PIKFYVE: variants seen among roughly 807,000 people sequenced by gnomAD.
The protein encoded by PIKFYVE is phosphoinositide kinase, FYVE-type zinc finger containing.
PIKFYVE carries 122 observed loss-of-function variants against 257.9 expected under a neutral mutation model. The ratio of observed to expected loss-of-function variants is 0.47; its 90% confidence interval spans 0.41 to 0.55. The LOEUF is 0.55. Among genes scored for constraint, PIKFYVE ranks in the 20% least tolerant of loss-of-function variants. PIKFYVE has a pLI of 0.00. For missense variants in PIKFYVE, 2,160 were observed against 2,536.6 expected (o/e 0.85, Z 3.19); for synonymous variants, 892 against 868.9 (o/e 1.03, Z -0.47).
intron 8 of PIKFYVE, 126 bp from the exon 9 acceptor site, chr2:208,300,811 A>G: frequency 9.0e-7 from 1 of 1,105,578 alleles, no homozygotes; most frequent in Non-Finnish European, 1.3e-6. Context: ...AAATTGTGTG[A>G]GTTAGCTACC....
At position 208,304,902 on chromosome 2, in the gene PIKFYVE, A is replaced by G. The variant is rs1303525273; in HGVS notation, c.1525A>G (p.Ser509Gly). The change falls in exon 12 of 42, where the codon AGT becomes GGT. Residue 509 changes from serine to glycine, a missense_variant. Physicochemically the swap from Ser to Gly is moderately conservative, Grantham distance 56. Coordinates refer to ENST00000264380, the MANE Select transcript of PIKFYVE (RefSeq NM_015040.4). ...SVSSFQSTVDSDSAASISLNV... is the reference protein window; with the variant it reads ...SVSSFQSTVDGDSAASISLNV... ...CAGCAGTTTCCAGTCCACAGTGGACAGTGACTCAGCCGCTTCTATCAGCCT... is the reference window on the plus strand; with the variant it reads ...CAGCAGTTTCCAGTCCACAGTGGACGGTGACTCAGCCGCTTCTATCAGCCT... 1 of 1,614,178 alleles carries G rather than the reference A, an allele frequency of 6.2e-7. No individual in the cohort carries two copies. The highest frequency in any genetic ancestry group is 1.7e-5 in the Admixed American group (1 of 60,026).
chr2:208,336,160 A>C lies in PIKFYVE; in HGVS notation c.4480A>C (p.Lys1494Gln). The change falls in exon 27 of 42, where the codon AAA becomes CAA. Residue 1494 changes from lysine to glutamine, a missense_variant. Physicochemically the swap from Lys to Gln is moderately conservative, Grantham distance 53 (BLOSUM62 1). Transcript: ENST00000264380. The stretch of plus-strand genomic sequence containing the variant: ...GGTCTTTGAGTCACTCATTGCCAAG[A>C]AACAAAGTCTCTGTGAAGTGCTGCA... ...QSVFESLIAK[K>Q]QSLCEVLQAW... 6.2e-7 allele frequency: 1 copy of C among 1,614,090 alleles called. No individual in the cohort carries two copies. The highest frequency in any genetic ancestry group is 8.5e-7 in the Non-Finnish European group (1 of 1,179,970).
At chr2:208,310,052 T>C (rs1056222307) in intron 12 of PIKFYVE, among the ~76,000 whole-genome samples, 4 of 152,236 alleles carry the variant, frequency 2.6e-5, no homozygotes, top group Non-Finnish European at 4.4e-5. Flanking sequence ...CAGTTCTCTC[T>C]TAGTTTTTAA....
intron 9 of PIKFYVE, 99 bp from the exon 10 acceptor site, chr2:208,302,143 T>C (rs1329820197): frequency 1.4e-5 from 14 of 1,023,194 alleles, no homozygotes; most frequent in Non-Finnish European, 2.1e-5. Context: ...CTAACTCTGA[T>C]TAGAACTGAA....
chr2:208,283,181 T>C (rs1691066200), intron 5 of PIKFYVE, among the ~76,000 whole-genome samples: 1 of 152,146 alleles, frequency 6.6e-6, no homozygotes, highest in Non-Finnish European at 1.5e-5. Context: ...TAAATACAAA[T>C]AACTAGAAAA....
chr2:208,339,642 C>T, intron 30 of PIKFYVE, 87 bp downstream of exon 30: 1 of 1,502,694 alleles, frequency 6.7e-7, no homozygotes, highest in South Asian at 1.2e-5. Flanking sequence ...AGCCATTTCT[C>T]TAAGGACAGA....
chr2:208,327,361 A>C (rs1559135374), intron 20 of PIKFYVE, among the ~76,000 whole-genome samples: 1 of 152,200 alleles, frequency 6.6e-6, no homozygotes, highest in South Asian at 2.1e-4. Context: ...TATCCTGCAG[A>C]AATAATTAAG....
At chr2:208,301,148 CAT>C (rs1693629836) in intron 9 of PIKFYVE, 54 bp downstream of exon 9, 3 of 1,591,702 alleles carry the variant, frequency 1.9e-6, no homozygotes, top group African/African-American at 1.3e-5. Context: ...AATGAGAAAA[CAT>C]ATTTGAAGAT....
chr2:208,313,420 G>C (rs1695140253), intron 13 of PIKFYVE, among the ~76,000 whole-genome samples: 1 of 152,032 alleles, frequency 6.6e-6, no homozygotes, highest in African/African-American at 2.4e-5. Flanking sequence ...AATATTGAAA[G>C]AGAAACACTA....
chr2:208,352,765 G>A lies in PIKFYVE; in HGVS notation c.5827G>A (p.Gly1943Arg), dbSNP rs191717036. 4 of 1,613,282 alleles carry A rather than the reference G, an allele frequency of 2.5e-6. No individual in the cohort carries two copies. In the East Asian group the frequency reaches 8.9e-5, roughly 36 times the overall value. The change falls in exon 39 of 42, where the codon GGG becomes AGG. Residue 1943 changes from glycine (G) to arginine (R), a missense_variant. By Grantham distance (125) the Gly-to-Arg change is moderately radical. Around this residue, in one of 12 missense-constraint regions of PIKFYVE, gnomAD observed 699 missense variants for 855.8 expected, o/e 0.82. Transcript: ENST00000264380. ...CCTTGTCATGGAAAATCTTTTCTAC[G>A]GGAGAAAGATGGCACAGGTAAGGGT... ...DLLVMENLFY[G>R]RKMAQVFDLK...
intron 7 of PIKFYVE, among the ~76,000 whole-genome samples, chr2:208,294,979 T>A (rs1692780538): frequency 1.3e-5 from 2 of 152,236 alleles, no homozygotes. Context: ...CCCCCATGAC[T>A]GGGTTCACCT....
At chr2:208,311,924 T>C (rs1694975802) in intron 12 of PIKFYVE, among the ~76,000 whole-genome samples, 1 of 152,226 alleles carries the variant, frequency 6.6e-6, no homozygotes, top group Non-Finnish European at 1.5e-5. Context: ...TATCTGAAGA[T>C]TTAATTTTCA....
intron 25 of PIKFYVE, 59 bp downstream of exon 25, chr2:208,335,478 A>G: frequency 7.9e-7 from 1 of 1,266,088 alleles, no homozygotes; most frequent in South Asian, 1.3e-5. Context: ...TTAAAGTATC[A>G]GATTTATTCA....
intron 28 of PIKFYVE, among the ~76,000 whole-genome samples, chr2:208,338,287 G>T (rs1227053668): frequency 6.6e-6 from 1 of 151,844 alleles, no homozygotes; most frequent in Non-Finnish European, 1.5e-5. Flanking sequence ...TTATAAATGA[G>T]TTCATGCACA....
At chr2:208,270,543 G>A (rs1689282537) in intron 1 of PIKFYVE, among the ~76,000 whole-genome samples, 1 of 152,034 alleles carries the variant, frequency 6.6e-6, no homozygotes, top group African/African-American at 2.4e-5. Context: ...TATGAATTGA[G>A]GCTTAAAGGG....
rs1043938114 is a variant in PIKFYVE, at chr2:208,347,742, C to T, written c.5210-117C>T. On this transcript the variant is annotated intron_variant, in intron 34 of 41. Coordinates refer to ENST00000264380, the MANE Select transcript of PIKFYVE (RefSeq NM_015040.4). ...TGTGCAAACAAAAGTATTTGCATTA[C>T]TCAGATTGATTAGCTTCATATAGTG... The T allele has an allele frequency of 8.0e-6, 7 of 871,860 alleles. No individual in the cohort carries two copies. The African/African-American group carries it at 8.5e-5, about 11-fold the overall frequency. The allele number at this position is 871,860 out of a possible 1,614,324, so 54.0% of individuals were successfully genotyped here.
chr2:208,358,478 T>C lies in PIKFYVE; in HGVS notation c.*3173T>C, dbSNP rs1043342126. 3 of 152,556 alleles carry C rather than the reference T, an allele frequency of 2.0e-5. No individual in the cohort carries two copies. Among genetic ancestry groups the C allele is most frequent in the African/African-American group, 7.2e-5 (3 of 41,444 alleles). 9.5% of individuals were successfully genotyped at this position (152,556 alleles called of 1,614,324 possible). On this transcript the variant is annotated 3_prime_UTR_variant, in exon 42 of 42. Transcript: ENST00000264380. ...ATCATTAGCAGTTTTAATACTGCTGTGTCAGTTTTGTAAAAAATGTACATT... is the reference window on the plus strand; with the variant it reads ...ATCATTAGCAGTTTTAATACTGCTGCGTCAGTTTTGTAAAAAATGTACATT...
rs896147685 is a variant in PIKFYVE, at chr2:208,271,840, G to A, written c.172+149G>A. On this transcript the variant is annotated intron_variant, in intron 2 of 41. Transcript: ENST00000264380. ...GTAAGAAAGTGAAATATTAACAAGC[G>A]ATAGCTTTAATCGTAGGTCTCCAGG... 1.0e-5 allele frequency: 8 copies of A among 765,372 alleles called. No individual in the cohort carries two copies. In the Admixed American group the frequency reaches 1.1e-4, roughly 10 times the overall value. 47.4% of individuals were successfully genotyped at this position (765,372 alleles called of 1,614,324 possible).
intron 7 of PIKFYVE, among the ~76,000 whole-genome samples, chr2:208,292,480 A>G (rs937425892): frequency 9.2e-5 from 14 of 152,084 alleles, no homozygotes; most frequent in Admixed American, 7.2e-4. Context: ...CTCTGTTGTT[A>G]GGAGCGAGCA....
Sources: allele counts gnomAD v4.1 joint callset (sites outside exome capture counted in the v4.1 genomes callset), GRCh38; gene constraint gnomAD v4.1.1; regional missense constraint gnomAD v4.1.1; transcripts MANE v1.5; gene names NCBI Gene and HGNC (gene_info 2026-07-23, HGNC 2026-07-21).